The following THEMIS variants were observed in gnomAD, a reference collection of about 807,000 sequenced individuals.
THEMIS encodes thymocyte selection associated.
THEMIS carries 37 observed loss-of-function variants against 52.6 expected under a neutral mutation model. The observed-to-expected ratio is 0.70, with a 90% confidence interval of 0.54 to 0.93. The LOEUF is 0.93. Among genes scored for constraint, THEMIS ranks in the 40% least tolerant of loss-of-function variants. The probability of loss-of-function intolerance (pLI) is 0.00; values close to 1 mark genes in which losing one functional copy is unlikely to be tolerated. For synonymous variants in THEMIS, 292 were observed against 272.7 expected (o/e 1.07, Z -0.70); for missense variants, 808 against 763.1 (o/e 1.06, Z -0.69).
chr6:127,805,377 G>A (rs7768836), intron 4 of THEMIS, among the ~76,000 whole-genome samples: 23,099 of 152,004 alleles, frequency 0.15, 1,963 homozygotes, highest in African/African-American at 0.22. Context: ...AAGTGTATGA[G>A]AAAGTTTACG....
At chr6:127,789,480 A>C (rs1164929707) in intron 4 of THEMIS, among the ~76,000 whole-genome samples, 1 of 152,226 alleles carries the variant, frequency 6.6e-6, no homozygotes, top group African/African-American at 2.4e-5. Context: ...TTATGAAACT[A>C]TTCCAAACAA....
At chr6:127,890,661 G>A (rs192087058) in intron 1 of THEMIS, among the ~76,000 whole-genome samples, 74 of 152,040 alleles carry the variant, frequency 4.9e-4, no homozygotes, top group Middle Eastern at 3.4e-3. Flanking sequence ...ACTTGATCAC[G>A]CTGTATGTAT....
chr6:127,863,906 A>T (rs1183496767), intron 1 of THEMIS, among the ~76,000 whole-genome samples: 4 of 152,204 alleles, frequency 2.6e-5, no homozygotes, highest in Non-Finnish European at 5.9e-5. Context: ...AAATGTCTTA[A>T]ATTTGAGCAG....
chr6:127,761,420 G>A (rs1056849247), intron 4 of THEMIS, among the ~76,000 whole-genome samples: 2 of 152,134 alleles, frequency 1.3e-5, no homozygotes. Context: ...TCCTGCTTTA[G>A]GGGGCTAGGG....
At chr6:127,729,831 A>C (rs1355180729) in intron 4 of THEMIS, among the ~76,000 whole-genome samples, 1 of 152,206 alleles carries the variant, frequency 6.6e-6, no homozygotes, top group Non-Finnish European at 1.5e-5. Flanking sequence ...AAATGCCACA[A>C]AGGTATATGG....
chr6:127,725,714 A>G (rs560608989), intron 4 of THEMIS, among the ~76,000 whole-genome samples: 1 of 152,230 alleles, frequency 6.6e-6, no homozygotes, highest in Admixed American at 6.5e-5. Flanking sequence ...TGATCCATAC[A>G]TACTCAAACT....
chr6:127,856,168 CTTGT>C (rs1467403642), intron 1 of THEMIS, among the ~76,000 whole-genome samples: 1 of 151,924 alleles, frequency 6.6e-6, no homozygotes, highest in Non-Finnish European at 1.5e-5. Context: ...TTTAGGTTTG[CTTGT>C]TTGTTTTCTG....
chr6:127,900,727 G>T, intron 1 of THEMIS, 115 bp downstream of exon 1: 3 of 875,320 alleles, frequency 3.4e-6, no homozygotes, highest in Non-Finnish European at 5.6e-6. Flanking sequence ...TTTTGTGATC[G>T]CCTTTCCTTT....
chr6:127,909,287 C>T (rs1480348933), intron 1 of THEMIS, among the ~76,000 whole-genome samples: 2 of 152,032 alleles, frequency 1.3e-5, no homozygotes, highest in Non-Finnish European at 1.5e-5. Context: ...GATTCTGTGT[C>T]CCCACCTAAG....
At chr6:127,767,542 C>T (rs749085019) in intron 4 of THEMIS, among the ~76,000 whole-genome samples, 2 of 152,268 alleles carry the variant, frequency 1.3e-5, no homozygotes, top group African/African-American at 4.8e-5. Context: ...TCACTGTCTT[C>T]GACCTCCACG....
At chr6:127,893,657 T>A (rs529736762) in intron 1 of THEMIS, among the ~76,000 whole-genome samples, 1 of 152,086 alleles carries the variant, frequency 6.6e-6, no homozygotes, top group Non-Finnish European at 1.5e-5. Flanking sequence ...ATTATCACTG[T>A]GGTTGTCAAC....
At chr6:127,765,256 T>C (rs1776157976) in intron 4 of THEMIS, among the ~76,000 whole-genome samples, 1 of 152,088 alleles carries the variant, frequency 6.6e-6, no homozygotes, top group South Asian at 2.1e-4. Flanking sequence ...ACTTTATTGG[T>C]TGCCTACTGT....
chr6:127,783,775 T>TA (rs760641990), intron 4 of THEMIS, among the ~76,000 whole-genome samples: 1 of 152,358 alleles, frequency 6.6e-6, no homozygotes, highest in African/African-American at 2.4e-5. Flanking sequence ...CGAACACTGT[T>TA]ACACTGTTGT....
chr6:127,702,772 G>A, the THEMIS span, among the ~76,000 whole-genome samples: 1 of 152,066 alleles, frequency 6.6e-6, no homozygotes, highest in African/African-American at 2.4e-5. Context: ...CATGGCAGAA[G>A]GTGAAAGGCA....
At chr6:127,702,226 G>C in the THEMIS span, among the ~76,000 whole-genome samples, 1 of 151,870 alleles carries the variant, frequency 6.6e-6, no homozygotes, top group African/African-American at 2.4e-5. Context: ...TGTTGTATTA[G>C]GCTTACAAAA....
chr6:127,821,760 T>C (rs1267275710), intron 3 of THEMIS, among the ~76,000 whole-genome samples: 1 of 152,004 alleles, frequency 6.6e-6, no homozygotes, highest in Admixed American at 6.5e-5. Context: ...GAGTTACCTT[T>C]AAGCTTGGTT....
rs1486880698 is a variant in THEMIS, at chr6:127,804,828, T to C, written c.1758+8055A>G. 2.0e-5 allele frequency among the ~76,000 whole-genome samples: 3 copies of C among 152,178 alleles called. No individual in the cohort carries two copies. The East Asian group carries it at 5.8e-4, about 29-fold the overall frequency. The stretch of plus-strand genomic sequence containing the variant: ...ATACTTTTAAGACATTAATTACAAC[T>C]TTTAAAAGCATTTGATAACAACAAC... On this transcript the variant is annotated intron_variant, in intron 4 of 5. Transcript: ENST00000368248.
At chr6:127,707,374 T>C (rs73595709), downstream of THEMIS, among the ~76,000 whole-genome samples, 165 of 152,250 alleles carry the variant, frequency 1.1e-3, no homozygotes, top group African/African-American at 3.6e-3. Flanking sequence ...AATTTTGGCT[T>C]TTACTCTGAA....
chr6:127,840,419 A>G (rs1779007686), intron 2 of THEMIS, among the ~76,000 whole-genome samples: 1 of 152,108 alleles, frequency 6.6e-6, no homozygotes, highest in African/African-American at 2.4e-5. Context: ...ACATGTGTCT[A>G]TATGTATGCA....
Sources: allele counts gnomAD v4.1 joint callset (sites outside exome capture counted in the v4.1 genomes callset), GRCh38; gene constraint gnomAD v4.1.1; transcripts MANE v1.5; gene names NCBI Gene and HGNC (gene_info 2026-07-23, HGNC 2026-07-21).